Variants in P2RY8 observed in about 807,000 individuals in gnomAD.
P2RY8 encodes the protein P2Y receptor family member 8.
Under a neutral mutation model 10.0 loss-of-function variants are expected in P2RY8, and 6 were observed. The ratio of observed to expected loss-of-function variants is 0.60; its 90% confidence interval spans 0.33 to 1.19. The LOEUF is 1.19. Ranked by LOEUF, P2RY8 falls within the 50% of genes most tolerant of loss-of-function variation. The pLI is 0.04. For missense variants in P2RY8, 456 were observed against 542.0 expected (o/e 0.84, Z 1.58); for synonymous variants, 276 against 252.5 (o/e 1.09, Z -0.88).
chrX:1,532,337 T>TATGTATATGATGTGTATATATACAC (rs1569538936), intron 1 of P2RY8, among the ~76,000 whole-genome samples: 2 of 141,614 alleles, frequency 1.4e-5, no homozygotes, highest in Admixed American at 7.2e-5. Context: ...TATATACACA[T>TATGTATATGATGTGTATATATACAC]ATATGTATAT....
intron 1 of P2RY8, among the ~76,000 whole-genome samples, chrX:1,524,529 T>C (rs868494792): frequency 0.045 from 1,215 of 27,030 alleles, 2 homozygotes; most frequent in Middle Eastern, 0.094. Context: ...ATCCATCCAT[T>C]CATCCATCCA....
intron 1 of P2RY8, among the ~76,000 whole-genome samples, chrX:1,523,518 G>C (rs756788068): frequency 6.6e-6 from 1 of 152,192 alleles, no homozygotes; most frequent in South Asian, 2.1e-4. Context: ...ATTTGTGATT[G>C]CCAGAGGGAG....
At chrX:1,500,467 C>T (rs1433820841) in intron 1 of P2RY8, among the ~76,000 whole-genome samples, 130 of 151,616 alleles carry the variant, frequency 8.6e-4, no homozygotes, top group African/African-American at 3.0e-3. Flanking sequence ...TTTTTTGAGA[C>T]GGAGTCTCAC....
Position 1,466,002 on chromosome X carries a change from C to G in P2RY8, c.557G>C (p.Ser186Thr). 2 of 1,612,176 alleles carry G rather than the reference C, an allele frequency of 1.2e-6. No individual in the cohort carries two copies. The highest frequency in any genetic ancestry group is 1.7e-6 in the Non-Finnish European group (2 of 1,179,772). Residue 186 changes from serine to threonine, a missense_variant, in exon 2 of 2, where the codon AGC becomes ACC. Coordinates refer to ENST00000381297, the MANE Select transcript of P2RY8 (RefSeq NM_178129.5). The part of the protein sequence containing the change: ...FDVLKWTMLP[S>T]VAMWAVFLFT... ...GAGGAACACGGCCCACATGGCCACG[C>G]TGGGGAGCATCGTCCACTTGAGGAC...
At chrX:1,470,859 T>G (rs2091775815) in intron 1 of P2RY8, among the ~76,000 whole-genome samples, 1 of 148,492 alleles carries the variant, frequency 6.7e-6, no homozygotes, top group African/African-American at 2.5e-5. Context: ...TTTTTTGAGA[T>G]GGAGTCTTGC....
chrX:1,515,769 G>A (rs1382934961), intron 1 of P2RY8, among the ~76,000 whole-genome samples: 7 of 151,984 alleles, frequency 4.6e-5, no homozygotes, highest in Non-Finnish European at 1.0e-4. Context: ...AAATATATAG[G>A]TTTCAACCCT....
chrX:1,493,342 AGGGGAGGGGAGGGGAGGGGAG>A (rs2092074719), intron 1 of P2RY8, among the ~76,000 whole-genome samples: 1 of 59,994 alleles, frequency 1.7e-5, no homozygotes, highest in Non-Finnish European at 3.0e-5. Flanking sequence ...AGGGGAGGGG[AGGGGAGGGGAGGGGAGGGGAG>A]GGGGAGGGAG....
At chrX:1,471,271 G>C (rs1338721191) in intron 1 of P2RY8, among the ~76,000 whole-genome samples, 1 of 147,072 alleles carries the variant, frequency 6.8e-6, no homozygotes, top group Non-Finnish European at 1.5e-5. Flanking sequence ...GTCTCCCAAA[G>C]TGCTGGGACT....
At chrX:1,492,944 C>T (rs1181191827) in intron 1 of P2RY8, among the ~76,000 whole-genome samples, 1 of 151,988 alleles carries the variant, frequency 6.6e-6, no homozygotes, top group Non-Finnish European at 1.5e-5. Context: ...CCCCCGCCTC[C>T]ATGTCTGCCT....
chrX:1,493,560 T>A lies in P2RY8; in HGVS notation c.-24-26978A>T, dbSNP rs1483104368. ...ACTCAGTCGACGTGAACTATTTTTA[T>A]TAGCGAAAAACCAAGAACAACGTCT... On this transcript the variant is annotated intron_variant, in intron 1 of 1. Coordinates refer to ENST00000381297, the MANE Select transcript of P2RY8 (RefSeq NM_178129.5). Among the ~76,000 whole-genome samples, 13 of 152,266 alleles carry A rather than the reference T, an allele frequency of 8.5e-5. No individual in the cohort carries two copies. In the South Asian group the frequency reaches 2.7e-3, roughly 32 times the overall value.
rs1475440022 is a variant in P2RY8 at position 1,477,952 on chromosome X, G to A, written c.-24-11370C>T. ...TAGTGACCAGCTGTGGATGAAGAGC[G>A]ATTCCTTAAAATGCCTGCACGTGCC... On this transcript the variant is annotated intron_variant, in intron 1 of 1. Transcript: ENST00000381297. Among the ~76,000 whole-genome samples, 5 of 152,142 alleles carry A rather than the reference G, an allele frequency of 3.3e-5. No individual in the cohort carries two copies. In the East Asian group the frequency reaches 5.8e-4, roughly 18 times the overall value.
At chrX:1,471,772 G>A (rs1443337393) in intron 1 of P2RY8, among the ~76,000 whole-genome samples, 6 of 152,096 alleles carry the variant, frequency 3.9e-5, no homozygotes, top group Non-Finnish European at 5.9e-5. Flanking sequence ...GCATCTCCTC[G>A]TGGGCAGCAG....
chrX:1,502,419 G>A (rs1445952764), intron 1 of P2RY8, among the ~76,000 whole-genome samples: 1 of 152,108 alleles, frequency 6.6e-6, no homozygotes, highest in East Asian at 1.9e-4. Flanking sequence ...CCAGGGACAG[G>A]ACCCCGCTGC....
chrX:1,508,170 T>C (rs2092252722), intron 1 of P2RY8, among the ~76,000 whole-genome samples: 1 of 152,194 alleles, frequency 6.6e-6, no homozygotes, highest in African/African-American at 2.4e-5. Context: ...TGAGTGTCTC[T>C]AAAACCATGG....
chrX:1,527,416 AT>A (rs2092446379), intron 1 of P2RY8, among the ~76,000 whole-genome samples: 1 of 151,832 alleles, frequency 6.6e-6, no homozygotes, highest in Admixed American at 6.6e-5. Flanking sequence ...TCACTCATTC[AT>A]TTATCTATTC....
chrX:1,469,508 C>T lies in P2RY8; in HGVS notation c.-24-2926G>A, dbSNP rs143010898. On this transcript the variant is annotated intron_variant, in intron 1 of 1. Coordinates refer to ENST00000381297, the MANE Select transcript of P2RY8 (RefSeq NM_178129.5). ...CTTATGCTTTGCAGGTAAATGCACA[C>T]CTGTCTGGCAGCAATGCATCCAGCA... 3.0e-3 allele frequency among the ~76,000 whole-genome samples: 458 copies of T among 152,152 alleles called. 2 individuals carry two copies. Among genetic ancestry groups the T allele is most frequent in the African/African-American group, 0.01 (432 of 41,524 alleles).
At position 1,534,099 on chromosome X, in the gene P2RY8, T is replaced by C. The variant is rs752225292; in HGVS notation, c.-25+2822A>G. ...TATATAATATATTTACATATATATT[T>C]ATATATAATATATTTACATATATTA... On this transcript the variant is annotated intron_variant, in intron 1 of 1. Coordinates refer to ENST00000381297, the MANE Select transcript of P2RY8 (RefSeq NM_178129.5). 6.1e-4 allele frequency among the ~76,000 whole-genome samples: 81 copies of C among 132,576 alleles called. 1 individual carries two copies. The East Asian group carries it at 0.017, about 27-fold the overall frequency. 87.0% of individuals were successfully genotyped at this position (132,576 alleles called of 152,430 possible).
chrX:1,508,290 G>A (rs2092253738), intron 1 of P2RY8, among the ~76,000 whole-genome samples: 2 of 152,096 alleles, frequency 1.3e-5, no homozygotes, highest in Non-Finnish European at 1.5e-5. Flanking sequence ...GGGCCACTGT[G>A]GTCCCCAGGG....
At chrX:1,524,645 A>ATCCATGCATC (rs1569538712) in intron 1 of P2RY8, among the ~76,000 whole-genome samples, 3 of 42,222 alleles carry the variant, frequency 7.1e-5, no homozygotes, top group Non-Finnish European at 1.4e-4. Context: ...ATCCATCCAT[A>ATCCATGCATC]CATCCATCCA....
Sources: allele counts gnomAD v4.1 joint callset (sites outside exome capture counted in the v4.1 genomes callset), GRCh38; gene constraint gnomAD v4.1.1; transcripts MANE v1.5; gene names NCBI Gene and HGNC (gene_info 2026-07-23, HGNC 2026-07-21).